The following NTM variants were observed in gnomAD, a reference collection of about 807,000 sequenced individuals.
The protein encoded by NTM is IgLON family member 2.
Under a neutral mutation model 42.1 loss-of-function variants are expected in NTM, and 13 were observed. That is an observed-to-expected ratio of 0.31 (90% CI 0.20 to 0.49). The LOEUF (loss-of-function observed/expected upper bound fraction) is 0.49. Ranked by LOEUF, NTM falls within the 20% of genes least tolerant of loss-of-function variation. The pLI is 0.99. For missense variants in NTM, 373 were observed against 452.8 expected, an observed-to-expected ratio of 0.82 and a Z score of 1.60; for synonymous variants, 187 against 179.2, an observed-to-expected ratio of 1.04 and a Z score of -0.35.
At chr11:131,811,061 G>T (rs2092710723) in intron 1 of NTM, among the ~76,000 whole-genome samples, 1 of 152,210 alleles carries the variant, frequency 6.6e-6, no homozygotes, top group Admixed American at 6.5e-5. Flanking sequence ...TAATGTGATT[G>T]TCACTCACGT....
chr11:132,190,074 T>G (rs2079058084), intron 3 of NTM, among the ~76,000 whole-genome samples: 1 of 152,188 alleles, frequency 6.6e-6, no homozygotes, highest in South Asian at 2.1e-4. Context: ...CCAGGGGAGT[T>G]CCTCTGTTCA....
intron 2 of NTM, among the ~76,000 whole-genome samples, chr11:132,083,408 G>A (rs139192362): frequency 3.3e-5 from 5 of 152,294 alleles, no homozygotes; most frequent in African/African-American, 1.2e-4. Context: ...TTTTACATAG[G>A]CTTTTAAAAT....
At chr11:131,786,624 A>G (rs10894446) in intron 1 of NTM, among the ~76,000 whole-genome samples, 44,512 of 152,094 alleles carry the variant, frequency 0.29, 6,799 homozygotes, top group Admixed American at 0.43. Context: ...AGAGAGCTTG[A>G]CATATACAGC....
chr11:131,455,973 T>C (rs10894394), intron 1 of NTM, among the ~76,000 whole-genome samples: 105,315 of 152,182 alleles, frequency 0.69, 36,599 homozygotes, highest in Admixed American at 0.74. Context: ...AAAGGAGAAA[T>C]GTTATTCATT....
At chr11:131,924,741 T>A (rs1565748389) in intron 2 of NTM, among the ~76,000 whole-genome samples, 1 of 152,236 alleles carries the variant, frequency 6.6e-6, no homozygotes, top group African/African-American at 2.4e-5. Flanking sequence ...AGGAACCTTG[T>A]TAAATTATTA....
At chr11:131,913,934 T>A (rs144968436) in intron 2 of NTM, among the ~76,000 whole-genome samples, 1 of 152,242 alleles carries the variant, frequency 6.6e-6, no homozygotes, top group African/African-American at 2.4e-5. Context: ...ACTTAGGATG[T>A]GAATCAGGCA....
chr11:131,550,512 T>G (rs2054524639), intron 1 of NTM, among the ~76,000 whole-genome samples: 1 of 152,176 alleles, frequency 6.6e-6, no homozygotes, highest in African/African-American at 2.4e-5. Context: ...ATGCAGCACC[T>G]CCTTCTCTCT....
At chr11:132,268,598 G>A (rs2093324233) in intron 4 of NTM, among the ~76,000 whole-genome samples, 1 of 151,484 alleles carries the variant, frequency 6.6e-6, no homozygotes, top group Non-Finnish European at 1.5e-5. Flanking sequence ...GTGGATGTGT[G>A]GAGTGTGGTC....
intron 1 of NTM, among the ~76,000 whole-genome samples, chr11:131,417,568 T>G (rs1413657885): frequency 1.3e-5 from 2 of 152,132 alleles, no homozygotes; most frequent in Non-Finnish European, 2.9e-5. Context: ...TCCAGGGAAT[T>G]TATATTAAGG....
Position 131,951,821 on chromosome 11 carries a change from C to CA in NTM, c.167+40195dup, listed in dbSNP as rs11366451. On this transcript the variant is annotated intron_variant, in intron 2 of 8. Coordinates refer to ENST00000683400, the MANE Select transcript of NTM (RefSeq NM_001352005.2). ...TGGGTGACAGAGCAAGACTCCGTCT[C>CA]AAAAAAAAAAAAAAAAAAAAAAGCC... 5.9e-3 allele frequency among the ~76,000 whole-genome samples: 413 copies of CA among 69,956 alleles called. 1 individual carries two copies. Among genetic ancestry groups the CA allele is most frequent in the African/African-American group, 8.8e-3 (148 of 16,854 alleles). 45.9% of individuals were successfully genotyped at this position (69,956 alleles called of 152,430 possible). A position where few individuals can be genotyped will look rare whatever the true frequency, so the allele number is the denominator to read the frequency against.
At chr11:131,546,213 C>T (rs1353183737) in intron 1 of NTM, among the ~76,000 whole-genome samples, 1 of 152,148 alleles carries the variant, frequency 6.6e-6, no homozygotes, top group Admixed American at 6.6e-5. Context: ...TGTTTCCTAT[C>T]CCTTCGCTTT....
At chr11:131,837,197 C>T (rs1592187370) in intron 1 of NTM, among the ~76,000 whole-genome samples, 2 of 152,322 alleles carry the variant, frequency 1.3e-5, no homozygotes, top group African/African-American at 4.8e-5. Flanking sequence ...GTGGGAGCCA[C>T]TTCATGATAT....
At chr11:131,797,803 G>T (rs926595801) in intron 1 of NTM, among the ~76,000 whole-genome samples, 1 of 151,956 alleles carries the variant, frequency 6.6e-6, no homozygotes, top group African/African-American at 2.4e-5. Context: ...GTAATTATTG[G>T]CAATTCCATG....
chr11:131,635,429 TTAAAAG>T (rs1426962203), intron 1 of NTM, among the ~76,000 whole-genome samples: 1 of 151,976 alleles, frequency 6.6e-6, no homozygotes, highest in Non-Finnish European at 1.5e-5. Flanking sequence ...CAAAACAGTT[TTAAAAG>T]TAAAACACAA....
chr11:132,118,992 C>A (rs760404710), intron 2 of NTM, among the ~76,000 whole-genome samples: 1 of 152,148 alleles, frequency 6.6e-6, no homozygotes, highest in Non-Finnish European at 1.5e-5. Flanking sequence ...CCTCTCCCCC[C>A]AGCCTGCCAC....
In NTM at chr11:132,335,311, G is replaced by A; in HGVS notation, c.*165G>A. 1.4e-6 allele frequency: 1 copy of A among 740,588 alleles called. No homozygotes were observed. The highest frequency in any genetic ancestry group is 2.1e-6 in the Non-Finnish European group (1 of 473,832). The allele number at this position is 740,588 out of a possible 1,614,324, so 45.9% of individuals were successfully genotyped here. A position where few individuals can be genotyped will look rare whatever the true frequency, so the allele number is the denominator to read the frequency against. On this transcript the variant is annotated 3_prime_UTR_variant, in exon 9 of 9. Transcript: ENST00000683400. ...GAGGGAGGGGAACAAAGAATACTTT[G>A]GGGGGAAAAAAGTTTTAAAAAAGAA...
At chr11:131,725,776 G>C (rs2078892313) in intron 1 of NTM, among the ~76,000 whole-genome samples, 1 of 152,148 alleles carries the variant, frequency 6.6e-6, no homozygotes, top group African/African-American at 2.4e-5. Context: ...GCTGAAGAAG[G>C]ACAGAATCTG....
At position 131,483,601 on chromosome 11, in the gene NTM, GCTC is replaced by G. The variant is rs1394300385; in HGVS notation, c.82+112715_82+112717del. ...ATGAAAGCTACAGGGCTCTTCTCCA[GCTC>G]CCCTTGCCAGGCTCATCTGGAGGAT... is the stretch of plus-strand genomic sequence containing the variant. On this transcript the variant is annotated intron_variant, in intron 1 of 8. Coordinates refer to ENST00000683400, the MANE Select transcript of NTM (RefSeq NM_001352005.2). Among the ~76,000 whole-genome samples the G allele has an allele frequency of 2.6e-5, 4 of 152,216 alleles. No homozygotes were observed. In the East Asian group the frequency reaches 7.7e-4, roughly 29 times the overall value.
At chr11:132,288,526 G>A (rs978867133) in intron 4 of NTM, among the ~76,000 whole-genome samples, 9 of 152,184 alleles carry the variant, frequency 5.9e-5, no homozygotes, top group East Asian at 1.9e-4. Flanking sequence ...TGAACTGAAC[G>A]GAATACACAA....
Sources: gnomAD v4.1 joint callset for allele counts (sites outside exome capture counted in the v4.1 genomes callset) on GRCh38, gnomAD v4.1.1 for gene constraint, MANE v1.5 for transcripts, NCBI Gene and HGNC (gene_info 2026-07-23, HGNC 2026-07-21) for gene names.